Variants in ANKS1B observed in about 807,000 individuals in gnomAD.
ANKS1B encodes ankyrin repeat and sterile alpha motif domain containing 1B.
In ANKS1B, 36 loss-of-function variants were observed where a neutral mutation model predicts 148.3. That is an observed-to-expected ratio of 0.24 (90% CI 0.19 to 0.32). The LOEUF is 0.32. Among genes scored for constraint, ANKS1B ranks in the 10% least tolerant of loss-of-function variants. The pLI is 1.00. For synonymous variants in ANKS1B, 542 were observed against 560.8 expected, an observed-to-expected ratio of 0.97 and a Z score of 0.47; for missense variants, 1,157 against 1,542.6, an observed-to-expected ratio of 0.75 and a Z score of 4.19.
At chr12:99,815,479 A>AT (rs1459260227) in intron 2 of ANKS1B, among the ~76,000 whole-genome samples, 3 of 151,526 alleles carry the variant, frequency 2.0e-5, no homozygotes, top group African/African-American at 7.3e-5. Flanking sequence ...AAATGTGCTT[A>AT]TTTTTTTCTT....
chr12:99,239,982 A>G lies in ANKS1B; in HGVS notation c.2419+4360T>C, dbSNP rs147263888. Among the ~76,000 whole-genome samples, 29 of 152,348 alleles carry G rather than the reference A, an allele frequency of 1.9e-4. No homozygotes were observed. The East Asian group carries it at 5.6e-3, about 29-fold the overall frequency. On this transcript the variant is annotated intron_variant, in intron 14 of 26. Coordinates refer to ENST00000683438, the MANE Select transcript of ANKS1B (RefSeq NM_001352186.2). Reference sequence around the variant, plus strand: ...AAAAACATGCCAAATTGTAAAGACCATCAACGCTATGAGGAAACTGTGGAA... The same window carrying G: ...AAAAACATGCCAAATTGTAAAGACCGTCAACGCTATGAGGAAACTGTGGAA...
intron 1 of ANKS1B, among the ~76,000 whole-genome samples, chr12:99,927,236 T>C (rs1005451053): frequency 3.3e-5 from 5 of 152,196 alleles, no homozygotes; most frequent in Admixed American, 2.0e-4. Context: ...TGTCTTTCCC[T>C]GACCCCTTTA....
chr12:99,065,664 C>T (rs1311420778), intron 16 of ANKS1B, among the ~76,000 whole-genome samples: 1 of 125,522 alleles, frequency 8.0e-6, no homozygotes, highest in Admixed American at 7.8e-5. Flanking sequence ...TCCATCCATC[C>T]ATCCATCCAT....
Position 98,953,537 on chromosome 12 carries a change from G to GTTTTTTTTTTTTTTT in ANKS1B, c.2778+99605_2778+99619dup, listed in dbSNP as rs1166158783. Among the ~76,000 whole-genome samples, 26 of 57,456 alleles carry GTTTTTTTTTTTTTTT rather than the reference G, an allele frequency of 4.5e-4. 4 individuals carry two copies. Among genetic ancestry groups the GTTTTTTTTTTTTTTT allele is most frequent in the African/African-American group, 1.9e-3 (26 of 13,570 alleles). 37.7% of individuals were successfully genotyped at this position (57,456 alleles called of 152,430 possible). A position where few individuals can be genotyped will look rare whatever the true frequency, so the allele number is the denominator to read the frequency against. The stretch of plus-strand genomic sequence containing the variant: ...CATGTCCATTTGAGAATCTAGAGTG[G>GTTTTTTTTTTTTTTT]TTTTTTTTTTTTTTTTTTTTTTTTT... On this transcript the variant is annotated intron_variant, in intron 17 of 26. Transcript: ENST00000683438.
Position 98,805,046 on chromosome 12 carries a change from A to C in ANKS1B, c.3141+2798T>G, listed in dbSNP as rs376432996. 1.1e-4 allele frequency among the ~76,000 whole-genome samples: 17 copies of C among 152,336 alleles called. No individual in the cohort carries two copies. In the East Asian group the frequency reaches 3.1e-3, roughly 28 times the overall value. On this transcript the variant is annotated intron_variant, in intron 20 of 26. Transcript: ENST00000683438. ...TGAAGTAGGAAAAGTTTAGGGTAGAATTCTGTCATATTTTAAATTATTATT... is the reference window on the plus strand; with the variant it reads ...TGAAGTAGGAAAAGTTTAGGGTAGACTTCTGTCATATTTTAAATTATTATT...
intron 15 of ANKS1B, among the ~76,000 whole-genome samples, chr12:99,088,450 T>A (rs1037948002): frequency 6.6e-6 from 1 of 152,354 alleles, no homozygotes. Flanking sequence ...GGTATCATTA[T>A]ATATAAATAT....
chr12:99,017,017 C>T (rs2099942990), intron 17 of ANKS1B, among the ~76,000 whole-genome samples: 1 of 151,938 alleles, frequency 6.6e-6, no homozygotes, highest in Admixed American at 6.6e-5. Flanking sequence ...GGGTTGTGGG[C>T]AATATCTAAA....
intron 12 of ANKS1B, among the ~76,000 whole-genome samples, chr12:99,335,112 A>G (rs2088512279): frequency 6.6e-6 from 1 of 152,014 alleles, no homozygotes; most frequent in Admixed American, 6.6e-5. Context: ...TTCCACTTCT[A>G]AGAGTTCTTT....
intron 26 of ANKS1B, 63 bp from the exon 27 acceptor site, chr12:98,745,912 G>A (rs2097874142): frequency 6.4e-7 from 1 of 1,552,718 alleles, no homozygotes; most frequent in Non-Finnish European, 8.7e-7. Context: ...CATGCACGCG[G>A]ACGCCGCTGG....
intron 1 of ANKS1B, among the ~76,000 whole-genome samples, chr12:99,866,707 T>G (rs115656471): frequency 0.015 from 2,266 of 152,286 alleles, 64 homozygotes; most frequent in African/African-American, 0.051. Flanking sequence ...AAAGGTATGA[T>G]ACCAGTATTT....
chr12:99,670,429 G>A (rs74540751), intron 8 of ANKS1B, among the ~76,000 whole-genome samples: 1 of 152,034 alleles, frequency 6.6e-6, no homozygotes, highest in African/African-American at 2.4e-5. Context: ...AACTTCCTGT[G>A]TGCATAATTT....
At chr12:98,746,924 G>T (rs1325876210) in intron 26 of ANKS1B, among the ~76,000 whole-genome samples, 1 of 152,110 alleles carries the variant, frequency 6.6e-6, no homozygotes, top group East Asian at 1.9e-4. Flanking sequence ...ACTCAAAATG[G>T]ATTAAAGACT....
intron 8 of ANKS1B, among the ~76,000 whole-genome samples, chr12:99,660,590 T>G (rs985006792): frequency 2.6e-5 from 4 of 152,078 alleles, no homozygotes; most frequent in African/African-American, 9.7e-5. Context: ...CTTGAACTCC[T>G]GACTTCAGGT....
At chr12:98,777,772 C>T (rs11109599) in intron 24 of ANKS1B, among the ~76,000 whole-genome samples, 1,627 of 152,312 alleles carry the variant, frequency 0.011, 32 homozygotes, top group African/African-American at 0.037. Flanking sequence ...CTAACCCTTT[C>T]CCATGAATTC....
chr12:99,817,161 T>TC (rs544453572), intron 2 of ANKS1B, among the ~76,000 whole-genome samples: 435 of 76,358 alleles, frequency 5.7e-3, no homozygotes, highest in African/African-American at 0.014. Flanking sequence ...AAATCTCTTC[T>TC]CCCCCCCCCC....
intron 19 of ANKS1B, among the ~76,000 whole-genome samples, chr12:98,820,696 A>C (rs928653154): frequency 1.3e-5 from 2 of 152,244 alleles, no homozygotes; most frequent in African/African-American, 4.8e-5. Context: ...TTTAATTTTT[A>C]AAAGTATTTA....
At chr12:98,875,898 G>C (rs1323076179) in intron 17 of ANKS1B, among the ~76,000 whole-genome samples, 1 of 31,758 alleles carries the variant, frequency 3.1e-5, no homozygotes, top group East Asian at 9.8e-4. Context: ...ACAAGCCAGG[G>C]GGTAACTGGG....
At chr12:99,347,201 A>T (rs1308423102) in intron 12 of ANKS1B, among the ~76,000 whole-genome samples, 1 of 152,052 alleles carries the variant, frequency 6.6e-6, no homozygotes, top group African/African-American at 2.4e-5. Flanking sequence ...AATACTTAAT[A>T]GCAAATCAAC....
chr12:99,435,730 A>T (rs148230987), intron 11 of ANKS1B, among the ~76,000 whole-genome samples: 1 of 152,152 alleles, frequency 6.6e-6, no homozygotes, highest in East Asian at 1.9e-4. Context: ...AATTCCTTTT[A>T]AAGAGGCACC....
Sources: gnomAD v4.1 joint callset for allele counts (sites outside exome capture counted in the v4.1 genomes callset) on GRCh38, gnomAD v4.1.1 for gene constraint, MANE v1.5 for transcripts, NCBI Gene and HGNC (gene_info 2026-07-23, HGNC 2026-07-21) for gene names.